Variants in CSMD1 observed in about 807,000 individuals in gnomAD.
CSMD1 encodes the protein CUB and Sushi multiple domains 1, also known as CUB and sushi domain-containing protein 1.
CSMD1 carries 213 observed loss-of-function variants against 417.5 expected under a neutral mutation model. The ratio of observed to expected loss-of-function variants is 0.51; its 90% CI spans 0.46 to 0.57. The LOEUF (loss-of-function observed/expected upper bound fraction) is 0.57. CSMD1 is among the 20% of genes least tolerant of loss of function. The pLI, the probability that CSMD1 is intolerant of heterozygous loss-of-function variation, is 0.00. For missense variants in CSMD1, 6,923 were observed against 4,529.7 expected, an observed-to-expected ratio of 1.53 and a Z score of -15.17; for synonymous variants, 2,862 against 1,736.8, an observed-to-expected ratio of 1.65 and a Z score of -16.11.
In CSMD1 at chr8:3,905,264, T is replaced by C. The variant is rs80025425; in HGVS notation, c.818+92639A>G. On this transcript the variant is annotated intron_variant, in intron 5 of 69. Coordinates refer to ENST00000635120, the MANE Select transcript of CSMD1 (RefSeq NM_033225.6). ...GGAATATTTAGATTATATTCTTTCA[T>C]ACAAGAGTTAGGGAAAATATTCACT... Among the ~76,000 whole-genome samples, 732 of 152,332 alleles carry C rather than the reference T, an allele frequency of 4.8e-3. 14 individuals are homozygous for C. Among genetic ancestry groups the C allele is most frequent in the East Asian group, 0.025 (128 of 5,190 alleles).
intron 3 of CSMD1, among the ~76,000 whole-genome samples, chr8:4,233,309 G>A (rs761954641): frequency 6.6e-6 from 1 of 152,138 alleles, no homozygotes; most frequent in Non-Finnish European, 1.5e-5. Flanking sequence ...TCTCAAATTT[G>A]AATGTTAAAA....
intron 1 of CSMD1, among the ~76,000 whole-genome samples, chr8:4,832,523 T>G (rs1400599859): frequency 2.0e-5 from 3 of 152,154 alleles, no homozygotes; most frequent in African/African-American, 7.2e-5. Context: ...CTGTGTGAGC[T>G]AAAACATGGA....
chr8:3,440,593 T>C (rs1376549798), intron 12 of CSMD1, among the ~76,000 whole-genome samples: 1 of 152,286 alleles, frequency 6.6e-6, no homozygotes, highest in Non-Finnish European at 1.5e-5. Context: ...TACTTGCAAG[T>C]AGAGTCAGGT....
intron 5 of CSMD1, among the ~76,000 whole-genome samples, chr8:3,898,249 A>G (rs184740698): frequency 4.6e-5 from 7 of 152,338 alleles, no homozygotes; most frequent in South Asian, 2.1e-4. Context: ...TAGCTCAGAT[A>G]AAACTACTGC....
intron 5 of CSMD1, among the ~76,000 whole-genome samples, chr8:3,817,966 G>A (rs1220052440): frequency 4.6e-5 from 7 of 152,020 alleles, no homozygotes. Context: ...TGGTATCTTT[G>A]GTATACTTAC....
chr8:4,775,753 A>G (rs1796821674), intron 1 of CSMD1, among the ~76,000 whole-genome samples: 1 of 152,182 alleles, frequency 6.6e-6, no homozygotes, highest in Non-Finnish European at 1.5e-5. Flanking sequence ...CTGCCATCCA[A>G]GAGTCTGCTC....
chr8:3,228,491 C>T (rs572537715), intron 27 of CSMD1, among the ~76,000 whole-genome samples: 14 of 152,266 alleles, frequency 9.2e-5, no homozygotes, highest in African/African-American at 2.6e-4. Flanking sequence ...TATTCATCTG[C>T]CTGCAAGTGA....
chr8:4,984,802 C>G (rs556775950), intron 1 of CSMD1, among the ~76,000 whole-genome samples: 1 of 152,188 alleles, frequency 6.6e-6, no homozygotes, highest in Non-Finnish European at 1.5e-5. Flanking sequence ...GAAACCCATA[C>G]TTAGTGTCCT....
At chr8:4,328,436 C>A in intron 3 of CSMD1, among the ~76,000 whole-genome samples, 1 of 151,790 alleles carries the variant, frequency 6.6e-6, no homozygotes, top group Non-Finnish European at 1.5e-5. Flanking sequence ...TTAATTTATA[C>A]AAATTTCGGT....
At chr8:3,348,298 A>G (rs1295549680) in intron 21 of CSMD1, 137 bp from the exon 22 acceptor site, 7 of 635,688 alleles carry the variant, frequency 1.1e-5, no homozygotes, top group Non-Finnish European at 1.8e-5. Flanking sequence ...TTCAAAATAG[A>G]TCAGTGATTT....
intron 3 of CSMD1, among the ~76,000 whole-genome samples, chr8:4,122,164 G>C (rs1040068002): frequency 1.3e-5 from 2 of 152,106 alleles, no homozygotes; most frequent in African/African-American, 4.8e-5. Context: ...TTTCCTGACA[G>C]ACTTGATAAG....
At chr8:4,434,612 T>C in intron 2 of CSMD1, among the ~76,000 whole-genome samples, 1 of 152,240 alleles carries the variant, frequency 6.6e-6, no homozygotes, top group Middle Eastern at 3.4e-3. Context: ...ATCCAAAATT[T>C]CCACCCAATT....
At chr8:4,967,476 G>C (rs973556351) in intron 1 of CSMD1, among the ~76,000 whole-genome samples, 3 of 152,014 alleles carry the variant, frequency 2.0e-5, no homozygotes, top group Admixed American at 6.6e-5. Context: ...GAATATATTA[G>C]GTGTTCTATG....
intron 10 of CSMD1, among the ~76,000 whole-genome samples, chr8:3,527,471 G>A (rs1034831741): frequency 2.0e-5 from 3 of 152,136 alleles, no homozygotes; most frequent in Non-Finnish European, 2.9e-5. Context: ...AGGGTGGGAT[G>A]TCACTATGAA....
chr8:3,935,483 C>G (rs75447846), intron 5 of CSMD1, among the ~76,000 whole-genome samples: 11 of 152,232 alleles, frequency 7.2e-5, no homozygotes, highest in African/African-American at 2.6e-4. Flanking sequence ...TGTCATTATT[C>G]CAATTGCATC....
At chr8:4,991,675 G>T (rs1443042562) in intron 1 of CSMD1, among the ~76,000 whole-genome samples, 1 of 152,092 alleles carries the variant, frequency 6.6e-6, no homozygotes, top group Admixed American at 6.5e-5. Flanking sequence ...GAGCCCCGGG[G>T]CCCAGCGCCG....
rs796498708 is a variant in CSMD1, at chr8:3,928,885, T to C, written c.818+69018A>G. Among the ~76,000 whole-genome samples, 16 of 148,264 alleles carry C rather than the reference T, an allele frequency of 1.1e-4. 1 individual carries two copies. In the East Asian group the frequency reaches 2.6e-3, roughly 24 times the overall value. ...AGAAATGTCATGGAGCTTTCCACTG[T>C]TGCTTATCAGTGATCTTTCTTTTCG... On this transcript the variant is annotated intron_variant, in intron 5 of 69. Coordinates refer to ENST00000635120, the MANE Select transcript of CSMD1 (RefSeq NM_033225.6).
chr8:4,956,867 T>A (rs1187767073), intron 1 of CSMD1, among the ~76,000 whole-genome samples: 1 of 152,162 alleles, frequency 6.6e-6, no homozygotes, highest in East Asian at 1.9e-4. Flanking sequence ...CTCATGGTGT[T>A]CCCTCCACAC....
At chr8:3,609,811 C>CTTTTTTTTTTTTTTTTTT (rs71534362) in intron 8 of CSMD1, among the ~76,000 whole-genome samples, 1 of 75,262 alleles carries the variant, frequency 1.3e-5, no homozygotes. Context: ...AGTATCTTCC[C>CTTTTTTTTTTTTTTTTTT]TTTTTTTTTT....
Sources: allele counts gnomAD v4.1 joint callset (sites outside exome capture counted in the v4.1 genomes callset), GRCh38; gene constraint gnomAD v4.1.1; transcripts MANE v1.5; gene names NCBI Gene and HGNC (gene_info 2026-07-23, HGNC 2026-07-21).